Variants in OPA3 observed in about 807,000 individuals in gnomAD.
OPA3 encodes the protein optic atrophy 3 protein.
Under a neutral mutation model 4.0 loss-of-function variants are expected in OPA3, and 6 were observed. The observed-to-expected ratio is 1.51, with a 90% CI of 0.83 to 2.99. OPA3 has a LOEUF of 2.99. Among genes scored for constraint, OPA3 ranks in the 30% most tolerant of loss-of-function variants. The probability of loss-of-function intolerance (pLI) is 0.00; values close to 1 mark genes in which losing one functional copy is unlikely to be tolerated. For missense variants in OPA3, 235 were observed against 256.2 expected, an observed-to-expected ratio of 0.92 and a Z score of 0.56; for synonymous variants, 105 against 117.1, an observed-to-expected ratio of 0.90 and a Z score of 0.67.
chr19:45,544,493 C>CTACT (rs1232550490), downstream of OPA3, among the ~76,000 whole-genome samples: 1 of 151,736 alleles, frequency 6.6e-6, no homozygotes, highest in Non-Finnish European at 1.5e-5. Context: ...AACCCCGTCT[C>CTACT]TACTAAAAAT....
At position 45,584,729 on chromosome 19, in the gene OPA3, T is replaced by C. The variant is rs769113318; in HGVS notation, c.36A>G (p.Leu12=). The part of the protein sequence containing the change: ...VVGAFPMAKL[L]YLGIRQVSKP... ...TGCTGACCTGCCGGATGCCCAAGTA[T>C]AGCAGCTTCGCCATAGGGAACGCGC... Residue 12 remains leucine (L), a synonymous_variant, in exon 1 of 2, where the codon CTA becomes CTG. Transcript: ENST00000263275. The C allele has an allele frequency of 1.9e-6, 3 of 1,614,156 alleles. No homozygotes were observed. Among genetic ancestry groups the C allele is most frequent in the Non-Finnish European group, 2.5e-6 (3 of 1,180,046 alleles).
intron 1 of OPA3, among the ~76,000 whole-genome samples, chr19:45,539,594 G>C (rs1969159824): frequency 6.6e-6 from 1 of 151,980 alleles, no homozygotes; most frequent in African/African-American, 2.4e-5. Context: ...TGGGATTACA[G>C]GCATGAACAC....
chr19:45,554,011 G>A (rs926080857), intron 1 of OPA3, 100 bp from the exon 2 acceptor site: 3 of 961,562 alleles, frequency 3.1e-6, no homozygotes, highest in Non-Finnish European at 4.6e-6. Context: ...GGTAACCCAG[G>A]GGTCTTTTAA....
intron 1 of OPA3, among the ~76,000 whole-genome samples, chr19:45,559,495 G>A (rs1051483132): frequency 1.4e-5 from 2 of 143,886 alleles, no homozygotes; most frequent in South Asian, 2.2e-4. Flanking sequence ...TCCGCTTCCC[G>A]GGTTCAAGTG....
At chr19:45,533,894 C>G (rs569770660) in intron 1 of OPA3, among the ~76,000 whole-genome samples, 286 of 152,224 alleles carry the variant, frequency 1.9e-3, no homozygotes, top group African/African-American at 6.4e-3. Flanking sequence ...TTGCCTCTGA[C>G]TCTGGCCTGG....
chr19:45,548,349 A>G lies in OPA3; in HGVS notation c.*5165T>C, dbSNP rs1344725891. 1 of 985,442 alleles carries G rather than the reference A, an allele frequency of 1.0e-6. No individual in the cohort carries two copies. The highest frequency in any genetic ancestry group is 1.2e-6 in the Non-Finnish European group (1 of 830,014). 61.0% of individuals were successfully genotyped at this position (985,442 alleles called of 1,614,324 possible). ...GGCCTGCCCTACAGAGAAACCAACA[A>G]GAGGGACAGCAGGGCCTGCCAGGAG... On this transcript the variant is annotated 3_prime_UTR_variant, in exon 2 of 2. Coordinates refer to ENST00000263275, the MANE Select transcript of OPA3 (RefSeq NM_025136.4).
chr19:45,565,019 G>A (rs1055200058), intron 1 of OPA3, among the ~76,000 whole-genome samples: 2 of 151,474 alleles, frequency 1.3e-5, no homozygotes, highest in Non-Finnish European at 2.9e-5. Context: ...GAGGTCAAGA[G>A]ATCGAGACCA....
chr19:45,539,073 T>C (rs369161953), intron 1 of OPA3, among the ~76,000 whole-genome samples: 36 of 152,208 alleles, frequency 2.4e-4, no homozygotes, highest in African/African-American at 8.7e-4. Context: ...ATTTTAAAAT[T>C]CATTAGATCT....
intron 1 of OPA3, among the ~76,000 whole-genome samples, chr19:45,575,229 A>T (rs34049086): frequency 0.24 from 35,885 of 151,902 alleles, 5,088 homozygotes; most frequent in Middle Eastern, 0.37. Flanking sequence ...CAGCCTCCTG[A>T]GAAGCTGGGA....
chr19:45,534,602 G>A (rs1047997164), intron 1 of OPA3, among the ~76,000 whole-genome samples: 14 of 119,524 alleles, frequency 1.2e-4, no homozygotes, highest in Middle Eastern at 4.5e-3. Context: ...GAAAACAATA[G>A]AACTATCCAT....
intron 1 of OPA3, among the ~76,000 whole-genome samples, chr19:45,557,253 G>T (rs1351405653): frequency 6.6e-6 from 1 of 151,734 alleles, no homozygotes; most frequent in Non-Finnish European, 1.5e-5. Flanking sequence ...AAATCAAGAG[G>T]GTGTGTGTGT....
At chr19:45,566,897 T>C (rs906652022) in intron 1 of OPA3, among the ~76,000 whole-genome samples, 3 of 152,174 alleles carry the variant, frequency 2.0e-5, no homozygotes, top group African/African-American at 7.2e-5. Context: ...TAAAGGCTTG[T>C]ACACAAATGT....
rs886620973 is a variant in OPA3 at position 45,547,253 on chromosome 19, C to A, written c.*6261G>T. The A allele has an allele frequency of 2.0e-5, 3 of 152,270 alleles. No individual in the cohort carries two copies. Among genetic ancestry groups the A allele is most frequent in the African/African-American group, 7.2e-5 (3 of 41,440 alleles). The allele number at this position is 152,270 out of a possible 1,614,324, so 9.4% of individuals were successfully genotyped here. On this transcript the variant is annotated 3_prime_UTR_variant, in exon 2 of 2. Transcript: ENST00000263275. ...CCCCCTCACCTAACTTCTCCCCTCG[C>A]TTACTCTATTCCAGGGGATGGTAAA...
intron 1 of OPA3, among the ~76,000 whole-genome samples, chr19:45,531,200 TA>T (rs1230702636): frequency 6.6e-6 from 1 of 152,124 alleles, no homozygotes; most frequent in Non-Finnish European, 1.5e-5. Context: ...ATGGAAATAT[TA>T]ATCCTGTAGA....
At chr19:45,529,057 T>G in exon 2 of OPA3, 1 of 1,599,738 alleles carries the variant, frequency 6.3e-7, no homozygotes, top group Non-Finnish European at 8.5e-7. Flanking sequence ...CGAGACCTCC[T>G]ATTTCTCGGA....
rs749792566 is a variant in OPA3 at position 45,553,471 on chromosome 19, G to A, written c.*43C>T. ...TGGTGCGGGAAGAAGGCCACGTTAG[G>A]TACATAGGCCATGTCCAAATTCAGG... On this transcript the variant is annotated 3_prime_UTR_variant, in exon 2 of 2. Transcript: ENST00000263275. The A allele has an allele frequency of 3.1e-6, 5 of 1,609,928 alleles. No individual in the cohort carries two copies. Among genetic ancestry groups the A allele is most frequent in the African/African-American group, 1.3e-5 (1 of 74,914 alleles).
Position 45,548,456 on chromosome 19 carries a change from G to C in OPA3, c.*5058C>G, listed in dbSNP as rs1969282900. 1.0e-6 allele frequency: 1 copy of C among 985,458 alleles called. No individual in the cohort carries two copies. Among genetic ancestry groups the C allele is most frequent in the African/African-American group, 1.7e-5 (1 of 57,362 alleles). 61.0% of individuals were successfully genotyped at this position (985,458 alleles called of 1,614,324 possible). A position where few individuals can be genotyped will look rare whatever the true frequency, so the allele number is the denominator to read the frequency against. Reference sequence around the variant, plus strand: ...GGGTTTATAGTCCTGAGTCACTCCAGAGGGAGGATTCCGGATTCAGCCCAG... The same window carrying C: ...GGGTTTATAGTCCTGAGTCACTCCACAGGGAGGATTCCGGATTCAGCCCAG... On this transcript the variant is annotated 3_prime_UTR_variant, in exon 2 of 2. Transcript: ENST00000263275.
intron 1 of OPA3, among the ~76,000 whole-genome samples, chr19:45,568,629 A>G (rs1394013447): frequency 6.6e-6 from 1 of 151,952 alleles, no homozygotes; most frequent in Non-Finnish European, 1.5e-5. Flanking sequence ...AGTAACACAC[A>G]ATGCTCCAGT....
At chr19:45,544,449 C>G (rs983899706), downstream of OPA3, among the ~76,000 whole-genome samples, 2 of 151,984 alleles carry the variant, frequency 1.3e-5, no homozygotes, top group South Asian at 4.1e-4. Flanking sequence ...CACCTGAGGT[C>G]GGGAGTTCGA....
Sources: gnomAD v4.1 joint callset for allele counts (sites outside exome capture counted in the v4.1 genomes callset) on GRCh38, gnomAD v4.1.1 for gene constraint, MANE v1.5 for transcripts, NCBI Gene and HGNC (gene_info 2026-07-23, HGNC 2026-07-21) for gene names.